LRP6: variants seen among roughly 807,000 people sequenced by gnomAD.
The protein encoded by LRP6 is low-density lipoprotein receptor-related protein 6.
Under a neutral mutation model 184.1 loss-of-function variants are expected in LRP6, and 43 were observed. The observed-to-expected ratio is 0.23, with a 90% CI of 0.18 to 0.30. The LOEUF is 0.30. LRP6 is among the 10% of genes least tolerant of loss of function. The pLI is 1.00. For missense variants in LRP6, 1,571 were observed against 2,005.3 expected (o/e 0.78, Z 4.14); for synonymous variants, 719 against 684.9 (o/e 1.05, Z -0.78).
intron 3 of LRP6, among the ~76,000 whole-genome samples, chr12:12,201,126 GCTTT>G (rs1451051289): frequency 6.6e-6 from 1 of 152,094 alleles, no homozygotes; most frequent in East Asian, 1.9e-4. Flanking sequence ...CTAGTAGCTT[GCTTT>G]CTGAGATCTA....
intron 14 of LRP6, 34 bp from the exon 15 acceptor site, chr12:12,147,590 G>A (rs766326583): frequency 5.3e-6 from 8 of 1,503,404 alleles, no homozygotes; most frequent in Non-Finnish European, 6.5e-6. Context: ...TAAGTTACTG[G>A]AGTAAGAAAC....
intron 1 of LRP6, chr12:12,249,167 T>C: frequency 1.4e-6 from 1 of 721,760 alleles, no homozygotes; most frequent in East Asian, 2.5e-5. Flanking sequence ...GAACAATTTA[T>C]GAAAACTGAA....
Position 12,149,074 on chromosome 12 carries a change from C to G in LRP6, c.3074G>C (p.Ser1025Thr), listed in dbSNP as rs747711801. The G allele has an allele frequency of 6.2e-7, 1 of 1,614,086 alleles. No individual in the cohort carries two copies. The change falls in exon 14 of 23, where the codon AGC (serine) becomes ACC (threonine). Residue 1025 changes from serine to threonine, a missense_variant. Coordinates refer to ENST00000261349, the MANE Select transcript of LRP6 (RefSeq NM_002336.3). ...CTCACAAGTCCAGTAGATGTAGCGG[C>G]TGTAAATATCAATGCTGAGGTCATA... ...QPYDLSIDIYSRYIYWTCEAT... is the reference protein window; with the variant it reads ...QPYDLSIDIYTRYIYWTCEAT...
chr12:12,172,659 A>C (rs1399193288), intron 7 of LRP6, among the ~76,000 whole-genome samples: 2 of 152,248 alleles, frequency 1.3e-5, no homozygotes, highest in Non-Finnish European at 2.9e-5. Flanking sequence ...CTTATACATA[A>C]GGAAGACAGA....
intron 15 of LRP6, among the ~76,000 whole-genome samples, chr12:12,146,745 G>C (rs911122607): frequency 2.0e-5 from 3 of 152,232 alleles, no homozygotes; most frequent in African/African-American, 7.2e-5. Context: ...TAGGAGCCAT[G>C]TGTAAACTTT....
At chr12:12,163,714 C>G (rs1295258778) in intron 9 of LRP6, among the ~76,000 whole-genome samples, 1 of 152,160 alleles carries the variant, frequency 6.6e-6, no homozygotes, top group East Asian at 1.9e-4. Context: ...AAATGTCATT[C>G]ATCATTTTCA....
chr12:12,179,798 C>CA lies in LRP6; in HGVS notation c.1545+11dup. ...TAAAAGTGGCTTGAAAATGAAAAAG[C>CA]AAAAAACAAACCTCAATCTTGTCTG... is the stretch of plus-strand genomic sequence containing the variant. On this transcript the variant is annotated intron_variant, in intron 7 of 22. Coordinates refer to ENST00000261349, the MANE Select transcript of LRP6 (RefSeq NM_002336.3). The CA allele has an allele frequency of 2.5e-6, 4 of 1,613,000 alleles. No homozygotes were observed. The highest frequency in any genetic ancestry group is 3.4e-6 in the Non-Finnish European group (4 of 1,179,566).
Position 12,135,261 on chromosome 12 carries a change from T to C in LRP6, c.3647A>G (p.His1216Arg). 3.7e-6 allele frequency: 6 copies of C among 1,612,914 alleles called. No homozygotes were observed. Among genetic ancestry groups the C allele is most frequent in the Non-Finnish European group, 5.1e-6 (6 of 1,179,788 alleles). The change falls in exon 17 of 23, where the codon CAT becomes CGT. Residue 1216 changes from histidine (H) to arginine (R), a missense_variant. Transcript: ENST00000261349. ...ACCATCCCCCTTTACAAGACAAATA[T>C]GTGAACAGCCACCATTATCCTGAGC... is the stretch of plus-strand genomic sequence containing the variant. ...PCAQDNGGCS[H>R]ICLVKGDGTT... is the part of the protein sequence containing the mutation.
At chr12:12,249,500 T>A (rs1049443765) in intron 1 of LRP6, 24 of 614,814 alleles carry the variant, frequency 3.9e-5, no homozygotes, top group Middle Eastern at 4.6e-4. Context: ...CCCTTCCTCT[T>A]CCCCCTCATT....
chr12:12,215,021 C>T (rs1000071360), intron 2 of LRP6, among the ~76,000 whole-genome samples: 5 of 152,194 alleles, frequency 3.3e-5, no homozygotes, highest in African/African-American at 1.2e-4. Flanking sequence ...TCGTTTTAGT[C>T]ACTCAGGGAG....
chr12:12,159,191 G>A (rs1270721411), intron 11 of LRP6, 36 bp from the exon 12 acceptor site: 1 of 1,513,422 alleles, frequency 6.6e-7, no homozygotes, highest in East Asian at 2.3e-5. Context: ...GGGAGAAGCA[G>A]AGTGATGAAA....
intron 2 of LRP6, among the ~76,000 whole-genome samples, chr12:12,220,437 G>A (rs1864456964): frequency 6.6e-6 from 1 of 152,190 alleles, no homozygotes; most frequent in Non-Finnish European, 1.5e-5. Flanking sequence ...CAGCTCTGCA[G>A]TATAGTACGT....
rs886751904 is a variant in LRP6 at position 12,118,490 on chromosome 12, T to A, written c.*2636A>T. On this transcript the variant is annotated 3_prime_UTR_variant, in exon 23 of 23. Coordinates refer to ENST00000261349, the MANE Select transcript of LRP6 (RefSeq NM_002336.3). ...GGAATCTAATGAAACATTATTCATT[T>A]TCCCCCTTGGACAATGAATTTAATA... is the stretch of plus-strand genomic sequence containing the variant. 1 of 152,254 alleles carries A rather than the reference T, an allele frequency of 6.6e-6. No homozygotes were observed. The highest frequency in any genetic ancestry group is 1.5e-5 in the Non-Finnish European group (1 of 68,040). The allele number at this position is 152,254 out of a possible 1,614,324, so 9.4% of individuals were successfully genotyped here.
rs1367409336 is a variant in LRP6, at chr12:12,181,311, G to A, written c.1105C>T (p.Pro369Ser). 4.3e-6 allele frequency: 7 copies of A among 1,614,100 alleles called. No homozygotes were observed. Among genetic ancestry groups the A allele is most frequent in the Non-Finnish European group, 5.1e-6 (6 of 1,179,988 alleles). ...IRHAIAIDYD[P>S]VEGYIYWTDD... is the part of the protein sequence containing the mutation. ...GTCCAGTAGATGTAGCCTTCCACAGGATCGTAATCTATGGCAATGGCATGA... is the reference window on the plus strand; with the variant it reads ...GTCCAGTAGATGTAGCCTTCCACAGAATCGTAATCTATGGCAATGGCATGA... Residue 369 changes from proline (P) to serine (S), a missense_variant, in exon 6 of 23, where the codon CCT becomes TCT. Pro to Ser is a moderately conservative substitution (Grantham distance 74, BLOSUM62 -1). This residue lies in a region of LRP6 where 640 missense variants were observed against 851.9 expected (regional missense o/e 0.75). Coordinates refer to ENST00000261349, the MANE Select transcript of LRP6 (RefSeq NM_002336.3).
chr12:12,257,796 A>AT (rs1865506655), intron 1 of LRP6, among the ~76,000 whole-genome samples: 2 of 143,620 alleles, frequency 1.4e-5, no homozygotes, highest in Non-Finnish European at 3.0e-5. Context: ...AAAAAAAAAA[A>AT]AAAAAAAAAA....
At chr12:12,187,241 T>C in intron 3 of LRP6, 122 bp from the exon 4 acceptor site, 2 of 765,990 alleles carry the variant, frequency 2.6e-6, no homozygotes, top group South Asian at 3.0e-5. Flanking sequence ...GAGTAATACA[T>C]ACCAATAGGT....
chr12:12,205,166 TA>T (rs1864019531), intron 2 of LRP6, among the ~76,000 whole-genome samples: 1 of 149,668 alleles, frequency 6.7e-6, no homozygotes, highest in Non-Finnish European at 1.5e-5. Flanking sequence ...CCATCTCTAC[TA>T]AAACTACAAA....
chr12:12,192,326 C>T (rs1242982543), intron 3 of LRP6, among the ~76,000 whole-genome samples: 2 of 150,982 alleles, frequency 1.3e-5, no homozygotes, highest in Admixed American at 1.3e-4. Flanking sequence ...AAATGACACA[C>T]CAGAAAATAT....
intron 7 of LRP6, among the ~76,000 whole-genome samples, chr12:12,178,438 T>C (rs1046836682): frequency 1.2e-4 from 18 of 152,144 alleles, no homozygotes; most frequent in African/African-American, 4.3e-4. Context: ...GTGCATTCCC[T>C]TACGTAAATT....
Sources: allele counts gnomAD v4.1 joint callset (sites outside exome capture counted in the v4.1 genomes callset), GRCh38; gene constraint gnomAD v4.1.1; regional missense constraint gnomAD v4.1.1; transcripts MANE v1.5; gene names NCBI Gene and HGNC (gene_info 2026-07-23, HGNC 2026-07-21).